The following RFC3 variants were observed in gnomAD, a reference collection of about 807,000 sequenced individuals.
RFC3 encodes the protein replication factor C subunit 3.
A neutral mutation model predicts 45.1 loss-of-function variants in RFC3; 41 were observed. The ratio of observed to expected loss-of-function variants is 0.91; its 90% CI spans 0.71 to 1.18. RFC3 has a LOEUF of 1.18. Ranked by LOEUF, RFC3 falls within the 50% of genes most tolerant of loss-of-function variation. The pLI is 0.00. For synonymous variants in RFC3, 149 were observed against 144.0 expected, an observed-to-expected ratio of 1.03 and a Z score of -0.25; for missense variants, 423 against 428.1, an observed-to-expected ratio of 0.99 and a Z score of 0.10.
chr13:33,855,665 C>T (rs1016824537), intron 8 of RFC3, among the ~76,000 whole-genome samples: 1 of 152,072 alleles, frequency 6.6e-6, no homozygotes, highest in South Asian at 2.1e-4. Flanking sequence ...TAACAATAGC[C>T]ATTTTGAGTG....
At chr13:33,863,230 C>T (rs964410311) in intron 8 of RFC3, among the ~76,000 whole-genome samples, 4 of 152,168 alleles carry the variant, frequency 2.6e-5, no homozygotes, top group African/African-American at 9.7e-5. Context: ...TACATATATA[C>T]ACAATGCACA....
At chr13:33,862,000 T>C (rs1270397892) in intron 8 of RFC3, among the ~76,000 whole-genome samples, 1 of 152,224 alleles carries the variant, frequency 6.6e-6, no homozygotes, top group Non-Finnish European at 1.5e-5. Context: ...TTCTTGCAAT[T>C]TCAGATGATA....
At chr13:33,965,815 T>C (rs550666902) in intron 8 of RFC3, among the ~76,000 whole-genome samples, 88 of 152,310 alleles carry the variant, frequency 5.8e-4, no homozygotes, top group Non-Finnish European at 1.1e-3. Context: ...TCTAAGCACC[T>C]GGACAGGGCT....
chr13:33,838,857 CT>C (rs1230314240), downstream of RFC3, among the ~76,000 whole-genome samples: 2 of 152,040 alleles, frequency 1.3e-5, no homozygotes, highest in African/African-American at 4.8e-5. Flanking sequence ...TTAGGATTCT[CT>C]TTTGTTTTTC....
At chr13:33,880,889 CT>C (rs2082478911) in intron 8 of RFC3, among the ~76,000 whole-genome samples, 1 of 152,130 alleles carries the variant, frequency 6.6e-6, no homozygotes, top group Admixed American at 6.5e-5. Context: ...AACTCCATCT[CT>C]ACTAAAAATA....
At chr13:33,922,526 A>T (rs2082775809) in intron 8 of RFC3, among the ~76,000 whole-genome samples, 1 of 152,148 alleles carries the variant, frequency 6.6e-6, no homozygotes. Context: ...TTACTTGTTG[A>T]TATTATTAAT....
chr13:33,958,349 A>G (rs1038376179), intron 8 of RFC3, among the ~76,000 whole-genome samples: 3 of 152,138 alleles, frequency 2.0e-5, no homozygotes, highest in African/African-American at 7.2e-5. Flanking sequence ...ATTGTCATAG[A>G]CCCATGCCCC....
chr13:33,873,252 A>G (rs562077535), intron 8 of RFC3, among the ~76,000 whole-genome samples: 2 of 152,262 alleles, frequency 1.3e-5, no homozygotes, highest in South Asian at 4.2e-4. Flanking sequence ...TGTTCGAGCA[A>G]CCCTCATGTC....
At chr13:33,951,458 C>G (rs1216605788) in intron 8 of RFC3, among the ~76,000 whole-genome samples, 2 of 152,066 alleles carry the variant, frequency 1.3e-5, no homozygotes, top group Non-Finnish European at 2.9e-5. Flanking sequence ...GTCTCCATCT[C>G]TGGACCTCAT....
At chr13:33,870,170 A>G (rs2137562828) in intron 8 of RFC3, among the ~76,000 whole-genome samples, 1 of 152,374 alleles carries the variant, frequency 6.6e-6, no homozygotes, top group South Asian at 2.1e-4. Flanking sequence ...TGAACAGCTC[A>G]GCTTCATAAA....
At chr13:33,969,882 T>G (rs2083102750), downstream of RFC3, among the ~76,000 whole-genome samples, 1 of 152,066 alleles carries the variant, frequency 6.6e-6, no homozygotes, top group Non-Finnish European at 1.5e-5. Context: ...ATTCCAAAGA[T>G]ATTAAGTGGC....
intron 8 of RFC3, among the ~76,000 whole-genome samples, chr13:33,893,722 T>C (rs922451770): frequency 5.9e-5 from 9 of 151,942 alleles, no homozygotes; most frequent in African/African-American, 2.2e-4. Context: ...AACTGAGAAA[T>C]ACATTTGCTG....
At chr13:33,925,078 TAC>T (rs2082795804) in intron 8 of RFC3, among the ~76,000 whole-genome samples, 1 of 141,916 alleles carries the variant, frequency 7.0e-6, no homozygotes, top group African/African-American at 2.8e-5. Flanking sequence ...GTGTACTATA[TAC>T]ACGCATATAT....
Position 33,855,633 on chromosome 13 carries a change from C to T in RFC3, c.879+20416C>T, listed in dbSNP as rs148595810. The stretch of plus-strand genomic sequence containing the variant: ...TCCCTTTTCTCTGCAACCTTGCCAG[C>T]ACTGGTTATTTTTTGATTTTTTAAC... On this transcript the variant is annotated intron_variant, in intron 8 of 8. Transcript: ENST00000434425. 4.2e-3 allele frequency among the ~76,000 whole-genome samples: 633 copies of T among 152,266 alleles called. 3 individuals are homozygous for T. The highest frequency in any genetic ancestry group is 6.6e-3 in the Non-Finnish European group (452 of 68,006).
chr13:33,925,237 GTGTACTATATACATACACATATAGTGTA>G (rs2082799088), intron 8 of RFC3, among the ~76,000 whole-genome samples: 1 of 71,572 alleles, frequency 1.4e-5, no homozygotes, highest in African/African-American at 7.1e-5. Flanking sequence ...TACACATATA[GTGTACTATATACATACACATATAGTGTA>G]CTATATACAT....
At chr13:33,908,133 T>C (rs986411006) in intron 8 of RFC3, among the ~76,000 whole-genome samples, 2 of 152,004 alleles carry the variant, frequency 1.3e-5, no homozygotes, top group African/African-American at 4.8e-5. Context: ...AATATTTTCA[T>C]TAATAAGATT....
chr13:33,840,508 A>G (rs75045298), downstream of RFC3, among the ~76,000 whole-genome samples: 4 of 151,424 alleles, frequency 2.6e-5, no homozygotes, highest in East Asian at 7.8e-4. Context: ...GCCTTTTTGT[A>G]TGTGCATTAA....
At chr13:33,914,756 T>TA (rs1566026501) in intron 8 of RFC3, among the ~76,000 whole-genome samples, 3 of 152,288 alleles carry the variant, frequency 2.0e-5, no homozygotes, top group East Asian at 3.9e-4. Context: ...CAGCTATTTA[T>TA]AATGTTTACA....
Position 33,837,001 on chromosome 13 carries a change from C to T in RFC3, c.*706C>T, listed in dbSNP as rs917655603. ...CAGGTTTTGTGTTTTGTCATTAGCT[C>T]TGCCCTTTTTAATTAAATATTTTGG... On this transcript the variant is annotated 3_prime_UTR_variant, in exon 9 of 9. Transcript: ENST00000380071. The T allele has an allele frequency of 1.0e-6, 1 of 984,534 alleles. No homozygotes were observed. Among genetic ancestry groups the T allele is most frequent in the African/African-American group, 1.7e-5 (1 of 57,200 alleles). 61.0% of individuals were successfully genotyped at this position (984,534 alleles called of 1,614,324 possible).
Sources: gnomAD v4.1 joint callset for allele counts (sites outside exome capture counted in the v4.1 genomes callset) on GRCh38, gnomAD v4.1.1 for gene constraint, MANE v1.5 for transcripts, NCBI Gene and HGNC (gene_info 2026-07-23, HGNC 2026-07-21) for gene names.